Variants in DGKH observed in about 807,000 individuals in gnomAD.
DGKH encodes the protein DAG kinase eta.
In DGKH, 90 loss-of-function variants were observed where a neutral mutation model predicts 159.3. The ratio of observed to expected loss-of-function variants is 0.57; its 90% CI spans 0.48 to 0.67. The LOEUF (loss-of-function observed/expected upper bound fraction) is 0.67, where lower values mean the gene tolerates loss of function less well. Among genes scored for constraint, DGKH ranks in the 30% least tolerant of loss-of-function variants. DGKH has a pLI of 0.00. For missense variants in DGKH, 1,181 were observed against 1,506.1 expected (o/e 0.78, Z 3.57); for synonymous variants, 536 against 553.8 (o/e 0.97, Z 0.45).
rs146549180 is a variant in DGKH at position 42,240,260 on chromosome 13, A to C, written c.*11072A>C. The C allele has an allele frequency of 6.6e-6, 1 of 152,254 alleles. No individual in the cohort carries two copies. Among genetic ancestry groups the C allele is most frequent in the African/African-American group, 2.4e-5 (1 of 41,472 alleles). The allele number at this position is 152,254 out of a possible 1,614,324, so 9.4% of individuals were successfully genotyped here. A position where few individuals can be genotyped will look rare whatever the true frequency, so the allele number is the denominator to read the frequency against. On this transcript the variant is annotated 3_prime_UTR_variant, in exon 30 of 30. Coordinates refer to ENST00000337343, the MANE Select transcript of DGKH (RefSeq NM_178009.5). ...GTCCACATGAGGTAAGTGTGCATTC[A>C]TGAGCATGTGTGCACTCTGGGCAAA...
At chr13:42,131,685 G>C (rs1424016327) in intron 3 of DGKH, among the ~76,000 whole-genome samples, 1 of 152,174 alleles carries the variant, frequency 6.6e-6, no homozygotes, top group Non-Finnish European at 1.5e-5. Flanking sequence ...TACTCGCTGT[G>C]CTTATAACAT....
chr13:42,228,663 G>A lies in DGKH; in HGVS notation c.3574-436G>A, dbSNP rs181292036. On this transcript the variant is annotated intron_variant, in intron 29 of 29. Coordinates refer to ENST00000337343, the MANE Select transcript of DGKH (RefSeq NM_178009.5). Reference sequence around the variant, plus strand: ...AGAAAGAAAAGAAAGAAAGAAGAAAGGGAGAGAAAGAAAGAGAAAAGAAAG... The same window carrying A: ...AGAAAGAAAAGAAAGAAAGAAGAAAAGGAGAGAAAGAAAGAGAAAAGAAAG... Among the ~76,000 whole-genome samples, 689 of 119,040 alleles carry A rather than the reference G, an allele frequency of 5.8e-3. 7 individuals are homozygous for A. Among genetic ancestry groups the A allele is most frequent in the South Asian group, 0.027 (96 of 3,546 alleles). 78.1% of individuals were successfully genotyped at this position (119,040 alleles called of 152,430 possible). A position where few individuals can be genotyped will look rare whatever the true frequency, so the allele number is the denominator to read the frequency against.
intron 1 of DGKH, among the ~76,000 whole-genome samples, chr13:42,117,073 A>G (rs1954981314): frequency 6.6e-6 from 1 of 152,230 alleles, no homozygotes; most frequent in Non-Finnish European, 1.5e-5. Context: ...ACTAAATGGC[A>G]GTTAATACAA....
rs779155872 is a variant in DGKH at position 42,174,073 on chromosome 13, A to G, written c.1381A>G (p.Thr461Ala). 8 of 1,613,734 alleles carry G rather than the reference A, an allele frequency of 5.0e-6. No homozygotes were observed. Among genetic ancestry groups the G allele is most frequent in the Non-Finnish European group, 6.8e-6 (8 of 1,179,858 alleles). The change falls in exon 12 of 30, where the codon ACA becomes GCA. Residue 461 changes from threonine (T) to alanine (A), a missense_variant. Thr to Ala is a moderately conservative substitution (Grantham distance 58). Around this residue, in one of 5 missense-constraint regions of DGKH, gnomAD observed 369 missense variants for 519.4 expected, o/e 0.71. Transcript: ENST00000337343. ...TKMLDRWSIM[T>A]YELKLPPKAS... Reference sequence around the variant, plus strand: ...TTCTCCCTTCAGGTGGAGTATAATGACATATGAACTCAAATTGCCACCAAA... The same window carrying G: ...TTCTCCCTTCAGGTGGAGTATAATGGCATATGAACTCAAATTGCCACCAAA...
chr13:42,180,546 C>T (rs1202972592), intron 13 of DGKH, among the ~76,000 whole-genome samples: 11 of 152,220 alleles, frequency 7.2e-5, no homozygotes, highest in Admixed American at 7.2e-4. Flanking sequence ...GTAGCATCAC[C>T]TCACGTTTTA....
chr13:42,133,392 G>T (rs1166848012), intron 3 of DGKH, among the ~76,000 whole-genome samples: 1 of 152,002 alleles, frequency 6.6e-6, no homozygotes, highest in Non-Finnish European at 1.5e-5. Flanking sequence ...TTAGTTTACT[G>T]GACTAGAAAT....
At chr13:42,065,728 A>G (rs545761462) in intron 1 of DGKH, among the ~76,000 whole-genome samples, 2 of 152,204 alleles carry the variant, frequency 1.3e-5, no homozygotes, top group South Asian at 4.1e-4. Context: ...TGGGTGAGGA[A>G]GGAGGCCGGG....
intron 20 of DGKH, among the ~76,000 whole-genome samples, chr13:42,204,679 T>A (rs927342109): frequency 2.0e-5 from 3 of 152,202 alleles, no homozygotes; most frequent in Non-Finnish European, 4.4e-5. Flanking sequence ...AGCAGAGAAG[T>A]CCCTTACGGG....
chr13:42,209,188 A>C (rs931679097), intron 22 of DGKH, 116 bp downstream of exon 22: 2 of 1,366,460 alleles, frequency 1.5e-6, no homozygotes. Flanking sequence ...CTTTGTTGTC[A>C]TATCAGTTTT....
At chr13:42,097,343 A>G (rs143903881) in intron 1 of DGKH, among the ~76,000 whole-genome samples, 139 of 151,908 alleles carry the variant, frequency 9.2e-4, no homozygotes, top group Admixed American at 1.9e-3. Flanking sequence ...TTGTCTTTTC[A>G]TTCACACACA....
chr13:42,069,243 T>G, intron 1 of DGKH: 1 of 1,119,564 alleles, frequency 8.9e-7, no homozygotes, highest in South Asian at 1.5e-5. Flanking sequence ...CTTAACTTGT[T>G]CATCCTTTCT....
At chr13:42,183,656 A>G (rs1956833830) in intron 13 of DGKH, among the ~76,000 whole-genome samples, 1 of 152,246 alleles carries the variant, frequency 6.6e-6, no homozygotes, top group African/African-American at 2.4e-5. Context: ...TTCCACTAAC[A>G]TAGCTAACAT....
chr13:42,119,212 C>T (rs1955021996), intron 1 of DGKH, among the ~76,000 whole-genome samples: 1 of 152,166 alleles, frequency 6.6e-6, no homozygotes, highest in Non-Finnish European at 1.5e-5. Context: ...CTCCTCAAAG[C>T]ATCTTGAAAT....
At chr13:42,114,094 T>G (rs1954920563) in intron 1 of DGKH, among the ~76,000 whole-genome samples, 1 of 152,188 alleles carries the variant, frequency 6.6e-6, no homozygotes, top group Non-Finnish European at 1.5e-5. Flanking sequence ...ACAAAGATAA[T>G]ATTAATGTGG....
chr13:42,190,278 G>A (rs572856459), intron 15 of DGKH, 125 bp from the exon 16 acceptor site: 3 of 1,138,996 alleles, frequency 2.6e-6, no homozygotes, highest in East Asian at 5.6e-5. Flanking sequence ...TTGCTAAATA[G>A]TGTTTATTTG....
upstream of DGKH, among the ~76,000 whole-genome samples, chr13:42,046,985 C>A (rs1418026484): frequency 1.3e-5 from 2 of 152,082 alleles, no homozygotes; most frequent in Admixed American, 1.3e-4. Flanking sequence ...GGAATGAAGG[C>A]CATTATTTTG....
chr13:42,096,265 A>G (rs1954531770), intron 1 of DGKH, among the ~76,000 whole-genome samples: 1 of 151,716 alleles, frequency 6.6e-6, no homozygotes, highest in South Asian at 2.1e-4. Context: ...AGTAGTCCTT[A>G]GTGTCTGTTG....
chr13:42,059,695 C>A (rs555332286), intron 1 of DGKH, among the ~76,000 whole-genome samples: 1 of 152,176 alleles, frequency 6.6e-6, no homozygotes, highest in Non-Finnish European at 1.5e-5. Context: ...GCCTTCTTAT[C>A]TGCCCTTCTT....
chr13:42,253,851 T>C (rs1007672626), intron 30 of DGKH, among the ~76,000 whole-genome samples: 13 of 152,354 alleles, frequency 8.5e-5, no homozygotes, highest in Admixed American at 7.2e-4. Context: ...ATGTGTCTAT[T>C]GAACATATGA....
Sources: allele counts gnomAD v4.1 joint callset (sites outside exome capture counted in the v4.1 genomes callset), GRCh38; gene constraint gnomAD v4.1.1; regional missense constraint gnomAD v4.1.1; transcripts MANE v1.5; gene names NCBI Gene and HGNC (gene_info 2026-07-23, HGNC 2026-07-21).